GSG1L2: variants seen among roughly 807,000 people sequenced by gnomAD.
The protein encoded by GSG1L2 is germ cell-specific gene 1-like protein 2.
A neutral mutation model predicts 9.0 loss-of-function variants in GSG1L2; 15 were observed. That is an observed-to-expected ratio of 1.67 (90% confidence interval 1.12 to 2.57). GSG1L2 has a LOEUF of 2.57. Among genes scored for constraint, GSG1L2 ranks in the 30% most tolerant of loss-of-function variants. GSG1L2 has a pLI of 0.00. For synonymous variants in GSG1L2, 127 were observed against 57.9 expected (o/e 2.19, Z -5.41); for missense variants, 286 against 150.3 (o/e 1.90, Z -4.72).
chr17:9,809,025 T>C lies in GSG1L2; in HGVS notation c.359-43A>G, dbSNP rs920600209. ...GTTGGAAACGCTGGACACTTCTAAT[T>C]CAGAAATACTAAAATGTTCAATCCT... On this transcript the variant is annotated intron_variant, in intron 2 of 4. Coordinates refer to ENST00000399363, the MANE Select transcript of GSG1L2 (RefSeq NM_001310219.2). 1.0e-5 allele frequency: 7 copies of C among 697,372 alleles called. No homozygotes were observed. In the African/African-American group the frequency reaches 1.1e-4, roughly 10 times the overall value. 43.2% of individuals were successfully genotyped at this position (697,372 alleles called of 1,614,324 possible).
At chr17:9,803,548 T>C (rs1380603218) in intron 4 of GSG1L2, among the ~76,000 whole-genome samples, 1 of 152,148 alleles carries the variant, frequency 6.6e-6, no homozygotes, top group Admixed American at 6.5e-5. Context: ...GGTGTTCAAA[T>C]GTTTGCATTA....
intron 1 of GSG1L2, among the ~76,000 whole-genome samples, chr17:9,815,008 T>C (rs1478716919): frequency 6.6e-6 from 1 of 152,186 alleles, no homozygotes; most frequent in African/African-American, 2.4e-5. Context: ...GGATCAAAGA[T>C]GTGGGTTCCC....
At chr17:9,807,122 T>A (rs2066518879) in intron 4 of GSG1L2, among the ~76,000 whole-genome samples, 1 of 152,154 alleles carries the variant, frequency 6.6e-6, no homozygotes, top group Non-Finnish European at 1.5e-5. Flanking sequence ...GTCTTTGCAT[T>A]AGAAACAGGG....
chr17:9,809,887 G>A (rs1479756419), intron 2 of GSG1L2: 1 of 152,314 alleles, frequency 6.6e-6, no homozygotes, highest in East Asian at 1.9e-4. Flanking sequence ...TGGGGGTGGA[G>A]GGTCTGTGAG....
intron 1 of GSG1L2, among the ~76,000 whole-genome samples, chr17:9,817,904 T>G (rs2066573933): frequency 6.6e-6 from 1 of 152,160 alleles, no homozygotes; most frequent in Non-Finnish European, 1.5e-5. Context: ...CTGATGCAAA[T>G]ACCTGGGTTA....
Position 9,802,475 on chromosome 17 carries a change from C to T in GSG1L2, c.793G>A (p.Gly265Arg), listed in dbSNP as rs2066500689. 1 of 702,550 alleles carries T rather than the reference C, an allele frequency of 1.4e-6. No homozygotes were observed. The highest frequency in any genetic ancestry group is 2.6e-6 in the Non-Finnish European group (1 of 384,950). 43.5% of individuals were successfully genotyped at this position (702,550 alleles called of 1,614,324 possible). A position where few individuals can be genotyped will look rare whatever the true frequency, so the allele number is the denominator to read the frequency against. The change falls in exon 5 of 5, where the codon GGA becomes AGA. Residue 265 changes from glycine (G) to arginine (R), a missense_variant. Gly to Arg is a moderately radical substitution (Grantham distance 125). Transcript: ENST00000399363. ...TGTTCAGCAGGGCAAGGAGCAGCTCCTGTTTTCCAAATGCTCTCCGAAGCC... is the reference window on the plus strand; with the variant it reads ...TGTTCAGCAGGGCAAGGAGCAGCTCTTGTTTTCCAAATGCTCTCCGAAGCC... ...PEASESIWKTGAAPCPAEQAF... is the reference protein window; with the variant it reads ...PEASESIWKTRAAPCPAEQAF...
At chr17:9,803,570 A>G (rs2066505630) in intron 4 of GSG1L2, among the ~76,000 whole-genome samples, 1 of 152,234 alleles carries the variant, frequency 6.6e-6, no homozygotes, top group Non-Finnish European at 1.5e-5. Context: ...TATGAGATAA[A>G]GAGAAGGGCT....
chr17:9,820,712 G>C lies in GSG1L2; in HGVS notation c.310+1050C>G, dbSNP rs2066585821. Among the ~76,000 whole-genome samples the C allele has an allele frequency of 6.6e-6, 1 of 151,434 alleles. No individual in the cohort carries two copies. Among genetic ancestry groups the C allele is most frequent in the Non-Finnish European group, 1.5e-5 (1 of 67,922 alleles). On this transcript the variant is annotated intron_variant, in intron 1 of 4. Coordinates refer to ENST00000399363, the MANE Select transcript of GSG1L2 (RefSeq NM_001310219.2). This position sits in a 1 kb window ranked among gnomAD's most constrained non-coding sequence, Gnocchi z 4.9. Reference sequence around the variant, plus strand: ...AGGTCTCGCTCTATCATTCAGGCTGGAGGGCAGTCACACGATGATGACTCA... The same window carrying C: ...AGGTCTCGCTCTATCATTCAGGCTGCAGGGCAGTCACACGATGATGACTCA...
intron 4 of GSG1L2, among the ~76,000 whole-genome samples, 189 bp downstream of exon 4, chr17:9,807,301 T>C (rs2066519473): frequency 6.6e-6 from 1 of 152,228 alleles, no homozygotes; most frequent in Non-Finnish European, 1.5e-5. Flanking sequence ...TACAAACATT[T>C]GAGGCAGGTA....
At position 9,802,342 on chromosome 17, in the gene GSG1L2, C is replaced by A. The variant is rs745808782; in HGVS notation, c.*44G>T. On this transcript the variant is annotated 3_prime_UTR_variant, in exon 5 of 5. Coordinates refer to ENST00000399363, the MANE Select transcript of GSG1L2 (RefSeq NM_001310219.2). ...AGGGTGTACATTGTGAGTGTCAGTG[C>A]CTGGCTTGTTTGCCTGTGCGGATGT... 4 of 615,728 alleles carry A rather than the reference C, an allele frequency of 6.5e-6. No homozygotes were observed. Among genetic ancestry groups the A allele is most frequent in the Non-Finnish European group, 1.2e-5 (4 of 341,346 alleles). 38.1% of individuals were successfully genotyped at this position (615,728 alleles called of 1,614,324 possible). A position where few individuals can be genotyped will look rare whatever the true frequency, so the allele number is the denominator to read the frequency against.
At chr17:9,815,941 C>T (rs1340025599) in intron 1 of GSG1L2, among the ~76,000 whole-genome samples, 1 of 152,074 alleles carries the variant, frequency 6.6e-6, no homozygotes, top group African/African-American at 2.4e-5. Context: ...TTAATGGGTT[C>T]TCGTGGGGAG....
At chr17:9,809,120 G>C (rs1381856167) in intron 2 of GSG1L2, 138 bp from the exon 3 acceptor site, 1 of 623,996 alleles carries the variant, frequency 1.6e-6, no homozygotes, top group Non-Finnish European at 2.9e-6. Context: ...AGATGCCTCT[G>C]CTGAATCTTA....
In GSG1L2 at chr17:9,810,614, T is replaced by A. The variant is rs891859075; in HGVS notation, c.315A>T (p.Glu105Asp). The change falls in exon 2 of 5, where the codon GAA (glutamate) becomes GAT (aspartate). Residue 105 changes from glutamate to aspartate, a missense_variant. Glu to Asp is a conservative substitution (Grantham distance 45, BLOSUM62 2). Coordinates refer to ENST00000399363, the MANE Select transcript of GSG1L2 (RefSeq NM_001310219.2). ...SCEESLNGED[E>D]KCRSFRSVVP... ...CTACACTCCGGAAACTCCTACACTTTTCATCTGAAAGATAAAGAGAATGCA... is the reference window on the plus strand; with the variant it reads ...CTACACTCCGGAAACTCCTACACTTATCATCTGAAAGATAAAGAGAATGCA... 1.4e-6 allele frequency: 1 copy of A among 703,044 alleles called. No homozygotes were observed. 43.6% of individuals were successfully genotyped at this position (703,044 alleles called of 1,614,324 possible).
Position 9,801,268 on chromosome 17 carries a change from C to T in GSG1L2, c.*1118G>A, listed in dbSNP as rs187924291. ...TATTGCCCAGGCTGGAGTGCAATGG[C>T]GCGATCTCTGCTCACTGCAACCTCC... On this transcript the variant is annotated 3_prime_UTR_variant, in exon 5 of 5. Coordinates refer to ENST00000399363, the MANE Select transcript of GSG1L2 (RefSeq NM_001310219.2). Among the ~76,000 whole-genome samples the T allele has an allele frequency of 2.6e-5, 4 of 152,080 alleles. No homozygotes were observed. Among genetic ancestry groups the T allele is most frequent in the Non-Finnish European group, 2.9e-5 (2 of 67,990 alleles).
At chr17:9,815,366 A>T (rs560190812) in intron 1 of GSG1L2, among the ~76,000 whole-genome samples, 244 of 152,270 alleles carry the variant, frequency 1.6e-3, no homozygotes, top group African/African-American at 5.5e-3. Context: ...GGTCACTTAC[A>T]TCTCTGGAAC....
At chr17:9,811,599 G>A (rs2066538984) in intron 1 of GSG1L2, among the ~76,000 whole-genome samples, 1 of 152,204 alleles carries the variant, frequency 6.6e-6, no homozygotes, top group Admixed American at 6.5e-5. Flanking sequence ...TGTCCCAGCT[G>A]AGTGTCCTGC....
At chr17:9,802,967 A>G (rs1347656662) in intron 4 of GSG1L2, among the ~76,000 whole-genome samples, 1 of 152,210 alleles carries the variant, frequency 6.6e-6, no homozygotes, top group African/African-American at 2.4e-5. Context: ...TGCTGCCACC[A>G]GGGTGGCTGT....
intron 4 of GSG1L2, chr17:9,805,475 T>G (rs1024944724): frequency 6.6e-6 from 1 of 152,176 alleles, no homozygotes; most frequent in African/African-American, 2.4e-5. Flanking sequence ...TCTAAATTCT[T>G]TGGGAAAATG....
At chr17:9,811,349 C>G (rs1017322190) in intron 1 of GSG1L2, among the ~76,000 whole-genome samples, 10 of 152,142 alleles carry the variant, frequency 6.6e-5, no homozygotes, top group African/African-American at 2.4e-4. Flanking sequence ...AGGTATTGGG[C>G]AGAAGCCGCC....
Sources: gnomAD v4.1 joint callset for allele counts (sites outside exome capture counted in the v4.1 genomes callset) on GRCh38, gnomAD v4.1.1 for gene constraint, Gnocchi (gnomAD v3.1) non-coding constraint, MANE v1.5 for transcripts, NCBI Gene and HGNC (gene_info 2026-07-23, HGNC 2026-07-21) for gene names.